The following PARP6 variants were observed in gnomAD, a reference collection of about 807,000 sequenced individuals.
PARP6 encodes poly(ADP-ribose) polymerase family member 6, also known as protein mono-ADP-ribosyltransferase PARP6.
PARP6 carries 27 observed loss-of-function variants against 92.0 expected under a neutral mutation model. The observed-to-expected ratio is 0.29, with a 90% CI of 0.22 to 0.40. PARP6 has a LOEUF of 0.40. Among genes scored for constraint, PARP6 ranks in the 10% least tolerant of loss-of-function variants. The pLI, the probability that PARP6 is intolerant of heterozygous loss-of-function variation, is 1.00. For synonymous variants in PARP6, 272 were observed against 281.2 expected, an observed-to-expected ratio of 0.97 and a Z score of 0.33; for missense variants, 501 against 784.5, an observed-to-expected ratio of 0.64 and a Z score of 4.32.
Position 72,241,643 on chromosome 15 carries a change from GC to G in PARP6, c.1791-87del. On this transcript the variant is annotated intron_variant, in intron 23 of 23. Transcript: ENST00000569795. This position sits in a 1 kb window ranked among gnomAD's most constrained non-coding sequence, Gnocchi z 4.1. Reference sequence around the variant, plus strand: ...CAGTGGAACTGTATTTCAAGGTATGGCCATCCCATCCCAGAAGTCAAAGCCC... The same window carrying G: ...CAGTGGAACTGTATTTCAAGGTATGGCATCCCATCCCAGAAGTCAAAGCCC... The G allele has an allele frequency of 9.5e-7, 1 of 1,057,072 alleles. No homozygotes were observed. The highest frequency in any genetic ancestry group is 1.5e-6 in the Non-Finnish European group (1 of 686,316). 65.5% of individuals were successfully genotyped at this position (1,057,072 alleles called of 1,614,324 possible).
chr15:72,269,166 CTTT>C (rs376364908), intron 2 of PARP6, among the ~76,000 whole-genome samples: 1,572 of 152,066 alleles, frequency 0.01, 23 homozygotes, highest in African/African-American at 0.036. Context: ...TCTTCTTCTT[CTTT>C]TTTTGTTTTC....
At chr15:72,257,155 A>C (rs1433642008) in intron 13 of PARP6, among the ~76,000 whole-genome samples, 193 bp downstream of exon 13, 4 of 152,214 alleles carry the variant, frequency 2.6e-5, no homozygotes, top group Non-Finnish European at 5.9e-5. Flanking sequence ...ATCTACTCTA[A>C]CGATATCCCA....
chr15:72,256,639 T>C, intron 13 of PARP6, 49 bp from the exon 14 acceptor site: 1 of 1,422,136 alleles, frequency 7.0e-7, no homozygotes, highest in South Asian at 1.7e-5. Context: ...GATTTCCCAG[T>C]ACTGGGAGTC....
intron 13 of PARP6, 29 bp from the exon 14 acceptor site, chr15:72,256,619 G>A: frequency 6.8e-7 from 1 of 1,481,068 alleles, no homozygotes; most frequent in Non-Finnish European, 9.0e-7. Context: ...AAACAGGGCA[G>A]AAGCTAAATG....
In PARP6 at chr15:72,265,973, G is replaced by C; in HGVS notation, c.100C>G (p.Leu34Val). 1 of 1,613,684 alleles carries C rather than the reference G, an allele frequency of 6.2e-7. No homozygotes were observed. The highest frequency in any genetic ancestry group is 8.5e-7 in the Non-Finnish European group (1 of 1,179,660). Residue 34 changes from leucine to valine, a missense_variant, in exon 5 of 24, where the codon CTG (leucine) becomes GTG (valine). Transcript: ENST00000569795. The part of the protein sequence containing the change: ...YGVQGSCAAD[L>V]YRHPQLDADI... ...GCATCAAGCTGTGGGTGTCGATACAGGTCAGCTGCACAGCTCCCCTGAGAT... is the reference window on the plus strand; with the variant it reads ...GCATCAAGCTGTGGGTGTCGATACACGTCAGCTGCACAGCTCCCCTGAGAT...
chr15:72,249,350 TG>T, intron 19 of PARP6, 36 bp from the exon 20 acceptor site: 1 of 1,293,368 alleles, frequency 7.7e-7, no homozygotes, highest in Non-Finnish European at 1.1e-6. Context: ...AATATGAGCC[TG>T]GGCCCTCCCA....
At chr15:72,263,138 T>C (rs1422035855) in intron 8 of PARP6, among the ~76,000 whole-genome samples, 5 of 152,144 alleles carry the variant, frequency 3.3e-5, no homozygotes, top group Admixed American at 2.0e-4. Context: ...ACAAACCTGC[T>C]CCCCTCTCAT....
intron 20 of PARP6, among the ~76,000 whole-genome samples, chr15:72,246,497 G>T (rs1327059624): frequency 1.3e-5 from 2 of 152,066 alleles, no homozygotes; most frequent in Non-Finnish European, 2.9e-5. Flanking sequence ...CCCAATCAAA[G>T]AACTAAATTC....
intron 2 of PARP6, among the ~76,000 whole-genome samples, chr15:72,269,588 A>G (rs1009253858): frequency 6.6e-6 from 1 of 152,074 alleles, no homozygotes; most frequent in Non-Finnish European, 1.5e-5. Flanking sequence ...GACTCCTCCT[A>G]AGACCTACTG....
Position 72,259,629 on chromosome 15 carries a change from C to T in PARP6, c.789G>A (p.Leu263=). The part of the protein sequence containing the change: ...VSGHCKNIPT[L]EYGFLVQIMK... ...TTACCTGAACGAGGAATCCATACTCCAGAGTGGGAATGTTCTTGCAGTGAC... is the reference window on the plus strand; with the variant it reads ...TTACCTGAACGAGGAATCCATACTCTAGAGTGGGAATGTTCTTGCAGTGAC... Residue 263 remains leucine (L), a synonymous_variant, in exon 11 of 24, where the codon CTG becomes CTA. Transcript: ENST00000569795. The T allele has an allele frequency of 6.2e-7, 1 of 1,614,082 alleles. No individual in the cohort carries two copies. Among genetic ancestry groups the T allele is most frequent in the African/African-American group, 1.3e-5 (1 of 75,028 alleles).
rs926556889 is a variant in PARP6, at chr15:72,256,548, A to T, written c.1042T>A (p.Ser348Thr). The T allele has an allele frequency of 6.3e-7, 1 of 1,589,080 alleles. No individual in the cohort carries two copies. The highest frequency in any genetic ancestry group is 8.6e-7 in the Non-Finnish European group (1 of 1,169,090). The change falls in exon 14 of 24, where the codon TCC (serine) becomes ACC (threonine). Residue 348 changes from serine (S) to threonine (T), a missense_variant. By Grantham distance (58) the Ser-to-Thr change is moderately conservative. This residue lies in a region of PARP6 where 191 missense variants were observed against 399.1 expected (regional missense o/e 0.48). Transcript: ENST00000569795. Reference sequence around the variant, plus strand: ...TCAAAGATGATGCTCTTTCTAGGGGACTCTAAAGCTGCCCTACACATGGCC... The same window carrying T: ...TCAAAGATGATGCTCTTTCTAGGGGTCTCTAAAGCTGCCCTACACATGGCC... Reference protein sequence around the residue: ...LVAMCRAALESPRKSIIFEPY... With the variant: ...LVAMCRAALETPRKSIIFEPY...
intron 11 of PARP6, among the ~76,000 whole-genome samples, chr15:72,258,861 C>T (rs1019961296): frequency 2.0e-5 from 3 of 152,182 alleles, no homozygotes; most frequent in Non-Finnish European, 4.4e-5. Flanking sequence ...TCATTTAATG[C>T]AGATTTACTG....
intron 2 of PARP6, among the ~76,000 whole-genome samples, chr15:72,270,212 A>G (rs540792378): frequency 2.6e-5 from 4 of 152,296 alleles, no homozygotes; most frequent in African/African-American, 9.6e-5. Flanking sequence ...TAAAGTTCTT[A>G]GAGATGGAAT....
At chr15:72,265,783 C>T (rs1013310096) in intron 5 of PARP6, 114 bp downstream of exon 5, 1 of 748,270 alleles carries the variant, frequency 1.3e-6, no homozygotes, top group African/African-American at 1.8e-5. Context: ...CATTTTCTAT[C>T]ATTAAGTTCA....
Position 72,245,734 on chromosome 15 carries a change from A to G in PARP6, c.1562-3035T>C, listed in dbSNP as rs572298082. The G allele has an allele frequency of 2.6e-5, 4 of 152,338 alleles. No homozygotes were observed. The South Asian group carries it at 8.3e-4, about 32-fold the overall frequency. 9.4% of individuals were successfully genotyped at this position (152,338 alleles called of 1,614,324 possible). On this transcript the variant is annotated intron_variant, in intron 20 of 23. Transcript: ENST00000569795. The stretch of plus-strand genomic sequence containing the variant: ...GAGAGGGAGATGAAAGGTGTCTATG[A>G]TATCTTTATGTAATCGGTTAAGTGA...
chr15:72,265,475 T>C lies in PARP6; in HGVS notation c.177-2A>G. The C allele has an allele frequency of 6.2e-7, 1 of 1,609,438 alleles. No homozygotes were observed. Among genetic ancestry groups the C allele is most frequent in the African/African-American group, 1.3e-5 (1 of 74,898 alleles). The stretch of plus-strand genomic sequence containing the variant: ...ACGTCATCGATAGTTCCATATTCTC[T>C]ATAGAGATACAGGTGACAACAGGTG... On this transcript the variant is annotated splice_acceptor_variant, in intron 5 of 23. Coordinates refer to ENST00000569795, the MANE Select transcript of PARP6 (RefSeq NM_001323532.2). LOFTEE classifies it high-confidence loss of function.
intron 4 of PARP6, among the ~76,000 whole-genome samples, chr15:72,266,451 TAATG>T (rs2086602019): frequency 6.6e-6 from 1 of 152,142 alleles, no homozygotes; most frequent in Non-Finnish European, 1.5e-5. Context: ...GATGTGACCC[TAATG>T]AATGAAACTA....
chr15:72,252,846 C>T (rs998454401), intron 16 of PARP6, among the ~76,000 whole-genome samples: 1 of 152,052 alleles, frequency 6.6e-6, no homozygotes, highest in African/African-American at 2.4e-5. Context: ...AAACAAACAA[C>T]AAAACCTATT....
chr15:72,243,979 C>G (rs992659801), intron 20 of PARP6: 1 of 152,224 alleles, frequency 6.6e-6, no homozygotes, highest in Non-Finnish European at 1.5e-5. Flanking sequence ...ATTCATCATG[C>G]ATTTACACTC....
Sources: allele counts gnomAD v4.1 joint callset (sites outside exome capture counted in the v4.1 genomes callset), GRCh38; gene constraint gnomAD v4.1.1; regional missense constraint gnomAD v4.1.1; non-coding constraint Gnocchi (gnomAD v3.1); transcripts MANE v1.5; gene names NCBI Gene and HGNC (gene_info 2026-07-23, HGNC 2026-07-21).